The following DRAM2 variants were observed in gnomAD, a reference collection of about 807,000 sequenced individuals.
DRAM2 encodes DNA damage regulated autophagy modulator 2, also known as DNA damage-regulated autophagy modulator protein 2.
In DRAM2, 26 loss-of-function variants were observed where a neutral mutation model predicts 33.5. The ratio of observed to expected loss-of-function variants is 0.78; its 90% CI spans 0.57 to 1.08. The LOEUF (loss-of-function observed/expected upper bound fraction) is 1.08, where lower values mean the gene tolerates loss of function less well. DRAM2 is among the 50% of genes least tolerant of loss of function. The pLI, the probability that DRAM2 is intolerant of heterozygous loss-of-function variation, is 0.00. For synonymous variants in DRAM2, 98 were observed against 109.5 expected (o/e 0.89, Z 0.66); for missense variants, 311 against 318.1 (o/e 0.98, Z 0.17).
intron 7 of DRAM2, 113 bp downstream of exon 7, chr1:111,120,403 A>C (rs1260942393): frequency 9.4e-6 from 3 of 320,050 alleles, no homozygotes; most frequent in East Asian, 7.5e-5. Context: ...AAAAAAAAAA[A>C]AAAAAAAAAA....
intron 2 of DRAM2, among the ~76,000 whole-genome samples, chr1:111,138,569 A>G (rs1235234027): frequency 1.3e-5 from 2 of 152,164 alleles, no homozygotes; most frequent in Non-Finnish European, 2.9e-5. Context: ...GCGGATCACG[A>G]GGTCAGGAGA....
At chr1:111,126,559 T>G (rs1283339333) in intron 4 of DRAM2, among the ~76,000 whole-genome samples, 1 of 152,068 alleles carries the variant, frequency 6.6e-6, no homozygotes, top group African/African-American at 2.4e-5. Context: ...AAAGCTGTCC[T>G]TGGTATGTTA....
At position 111,118,681 on chromosome 1, in the gene DRAM2, C is replaced by G. The variant is rs554302588; in HGVS notation, c.693+124G>C. On this transcript the variant is annotated intron_variant, in intron 9 of 9. Coordinates refer to ENST00000484310, the MANE Select transcript of DRAM2 (RefSeq NM_001349884.2). ...AAGTTACATCACTTGTTTATGATAC[C>G]AAATCACAAACAGTTAATTTTCAAA... 15 of 632,136 alleles carry G rather than the reference C, an allele frequency of 2.4e-5. No individual in the cohort carries two copies. The African/African-American group carries it at 2.9e-4, about 12-fold the overall frequency. The allele number at this position is 632,136 out of a possible 1,614,324, so 39.2% of individuals were successfully genotyped here.
rs1179495818 is a variant in DRAM2, at chr1:111,124,789, G to A, written c.292C>T (p.Leu98Phe). Residue 98 changes from leucine (L) to phenylalanine (F), a missense_variant, in exon 6 of 10, where the codon CTT becomes TTT. By Grantham distance (22) the Leu-to-Phe change is conservative. Transcript: ENST00000484310. ...AGTCCTAAACAACTCAGTATTCCAA[G>A]TACAAGGCCAGCCTTGTTTAATTTG... Reference protein sequence around the residue: ...IIKLNKAGLVLGILSCLGLSI... With the variant: ...IIKLNKAGLVFGILSCLGLSI... 1 of 1,613,458 alleles carries A rather than the reference G, an allele frequency of 6.2e-7. No homozygotes were observed. Among genetic ancestry groups the A allele is most frequent in the Non-Finnish European group, 8.5e-7 (1 of 1,179,666 alleles).
Position 111,117,891 on chromosome 1 carries a change from A to G in DRAM2, c.*269T>C, listed in dbSNP as rs1205012044. On this transcript the variant is annotated 3_prime_UTR_variant, in exon 10 of 10. Transcript: ENST00000484310. ...TCAGGTTGTTTCTCTTAAATAAGGT[A>G]TAAAAAACTATGATATCATAGTCTT... The G allele has an allele frequency of 4.7e-6, 2 of 423,622 alleles. No homozygotes were observed. Among genetic ancestry groups the G allele is most frequent in the South Asian group, 2.5e-5 (1 of 39,500 alleles). The allele number at this position is 423,622 out of a possible 1,614,324, so 26.2% of individuals were successfully genotyped here. A position where few individuals can be genotyped will look rare whatever the true frequency, so the allele number is the denominator to read the frequency against.
At chr1:111,126,959 C>T (rs981237064) in intron 4 of DRAM2, among the ~76,000 whole-genome samples, 1 of 152,214 alleles carries the variant, frequency 6.6e-6, no homozygotes, top group African/African-American at 2.4e-5. Context: ...ATGTATCCAC[C>T]TGCATGCCTG....
Position 111,118,245 on chromosome 1 carries a change from G to C in DRAM2, c.716C>G (p.Ala239Gly). 6.2e-7 allele frequency: 1 copy of C among 1,611,758 alleles called. No individual in the cohort carries two copies. The highest frequency in any genetic ancestry group is 8.5e-7 in the Non-Finnish European group (1 of 1,178,886). The change falls in exon 10 of 10, where the codon GCC (alanine) becomes GGC (glycine). Residue 239 changes from alanine (A) to glycine (G), a missense_variant. Physicochemically the swap from Ala to Gly is moderately conservative, Grantham distance 60. Transcript: ENST00000484310. ...ATAGAGGGTTAATCCATGTAAATTGGCTTCCACCCGTAAAGAAATTTTCTG... is the reference window on the plus strand; with the variant it reads ...ATAGAGGGTTAATCCATGTAAATTGCCTTCCACCCGTAAAGAAATTTTCTG... The part of the protein sequence containing the change: ...DFQKISLRVE[A>G]NLHGLTLYDT...
chr1:111,132,955 T>C (rs1216070082), intron 3 of DRAM2, among the ~76,000 whole-genome samples: 1 of 152,022 alleles, frequency 6.6e-6, no homozygotes, highest in African/African-American at 2.4e-5. Flanking sequence ...GCTGGAATTA[T>C]AGGTATGAGC....
chr1:111,132,125 T>C (rs993132593), intron 3 of DRAM2, among the ~76,000 whole-genome samples: 2 of 152,172 alleles, frequency 1.3e-5, no homozygotes, highest in East Asian at 1.9e-4. Context: ...CGTTCAGTCC[T>C]CCATCCCCAA....
chr1:111,137,251 C>CAAAAAA (rs71580572), intron 3 of DRAM2, among the ~76,000 whole-genome samples: 4 of 68,602 alleles, frequency 5.8e-5, no homozygotes, highest in East Asian at 3.4e-4. Context: ...GATTCCATCT[C>CAAAAAA]AAAAAAAAAA....
chr1:111,135,952 C>T (rs545706332), intron 3 of DRAM2, among the ~76,000 whole-genome samples: 9 of 152,074 alleles, frequency 5.9e-5, no homozygotes, highest in Non-Finnish European at 1.3e-4. Context: ...CCATTTTTTT[C>T]AGGTTATGAG....
rs111719277 is a variant in DRAM2, at chr1:111,134,154, T to C, written c.-14-2586A>G. Reference sequence around the variant, plus strand: ...CCAGATTAAGGATGTTGTTAAGTAATAATGAGTCAATAATGTGAATTAAGA... The same window carrying C: ...CCAGATTAAGGATGTTGTTAAGTAACAATGAGTCAATAATGTGAATTAAGA... On this transcript the variant is annotated intron_variant, in intron 3 of 9. Coordinates refer to ENST00000484310, the MANE Select transcript of DRAM2 (RefSeq NM_001349884.2). Among the ~76,000 whole-genome samples, 368 of 152,312 alleles carry C rather than the reference T, an allele frequency of 2.4e-3. 2 individuals carry two copies. Among genetic ancestry groups the C allele is most frequent in the Non-Finnish European group, 4.4e-3 (302 of 68,016 alleles).
intron 3 of DRAM2, among the ~76,000 whole-genome samples, chr1:111,134,101 C>T (rs1652677137): frequency 6.6e-6 from 1 of 152,170 alleles, no homozygotes; most frequent in South Asian, 2.1e-4. Context: ...ACACTCATAC[C>T]CCACATCACC....
chr1:111,133,474 G>A (rs911968863), intron 3 of DRAM2, among the ~76,000 whole-genome samples: 3 of 151,954 alleles, frequency 2.0e-5, no homozygotes, highest in South Asian at 2.1e-4. Context: ...TACCATGCCC[G>A]GTCTGTCTTT....
chr1:111,125,440 A>G (rs1650829381), intron 5 of DRAM2: 1 of 152,422 alleles, frequency 6.6e-6, no homozygotes, highest in Admixed American at 6.5e-5. Context: ...AAGACATAGT[A>G]GCCAATTACA....
intron 6 of DRAM2, among the ~76,000 whole-genome samples, chr1:111,122,383 GAAGTA>G (rs776388118): frequency 6.8e-6 from 1 of 147,986 alleles, no homozygotes; most frequent in African/African-American, 2.5e-5. Flanking sequence ...AGTAAGGAGG[GAAGTA>G]AAGACAGAAA....
chr1:111,120,621 C>G lies in DRAM2; in HGVS notation c.412G>C (p.Val138Leu), dbSNP rs747308214. ...TFGMGSLYMF[V>L]QTILSYQMQP... Reference sequence around the variant, plus strand: ...ATTTGGTAGGAAAGGATGGTCTGAACAAACATATATAATGAGCCCATACCA... The same window carrying G: ...ATTTGGTAGGAAAGGATGGTCTGAAGAAACATATATAATGAGCCCATACCA... The change falls in exon 7 of 10, where the codon GTT becomes CTT. Residue 138 changes from valine (V) to leucine (L), a missense_variant. Transcript: ENST00000484310. 2.5e-6 allele frequency: 4 copies of G among 1,611,684 alleles called. No homozygotes were observed. The South Asian group carries it at 4.4e-5, about 18-fold the overall frequency.
chr1:111,129,531 T>C (rs1227336953), intron 4 of DRAM2, among the ~76,000 whole-genome samples: 1 of 152,246 alleles, frequency 6.6e-6, no homozygotes, highest in Non-Finnish European at 1.5e-5. Flanking sequence ...ACCATTCATA[T>C]AATTATGATT....
intron 9 of DRAM2, 89 bp downstream of exon 9, chr1:111,118,716 G>T: frequency 1.1e-6 from 1 of 876,408 alleles, no homozygotes. Flanking sequence ...AAAGGCGGGA[G>T]AGTTGCCTAT....
Sources: gnomAD v4.1 joint callset for allele counts (sites outside exome capture counted in the v4.1 genomes callset) on GRCh38, gnomAD v4.1.1 for gene constraint, MANE v1.5 for transcripts, NCBI Gene and HGNC (gene_info 2026-07-23, HGNC 2026-07-21) for gene names.